The following LRRC7 variants were observed in gnomAD, a reference collection of about 807,000 sequenced individuals.
The protein encoded by LRRC7 is leucine rich repeat containing 7.
Under a neutral mutation model 175.7 loss-of-function variants are expected in LRRC7, and 23 were observed. That is an observed-to-expected ratio of 0.13 (90% confidence interval 0.09 to 0.19). The LOEUF (loss-of-function observed/expected upper bound fraction) is 0.19. LRRC7 is among the 10% of genes least tolerant of loss of function. The pLI is 1.00. For missense variants in LRRC7, 1,354 were observed against 1,904.7 expected (o/e 0.71, Z 5.38); for synonymous variants, 685 against 680.9 (o/e 1.01, Z -0.09).
intron 7 of LRRC7, among the ~76,000 whole-genome samples, chr1:69,906,884 A>G (rs1286430717): frequency 1.3e-5 from 2 of 152,060 alleles, no homozygotes; most frequent in African/African-American, 4.8e-5. Flanking sequence ...GATTCTTCCT[A>G]CCTATGAGCA....
At chr1:69,631,897 G>A (rs930467271) in intron 1 of LRRC7, among the ~76,000 whole-genome samples, 7 of 151,978 alleles carry the variant, frequency 4.6e-5, no homozygotes, top group African/African-American at 1.7e-4. Context: ...TCTTAAATCT[G>A]ATCATGTCTG....
intron 2 of LRRC7, among the ~76,000 whole-genome samples, chr1:69,747,373 G>C (rs750108361): frequency 6.6e-6 from 1 of 152,196 alleles, no homozygotes; most frequent in Non-Finnish European, 1.5e-5. Context: ...GCCTGTATGG[G>C]TGTGGTCCCA....
intron 23 of LRRC7, among the ~76,000 whole-genome samples, chr1:70,068,474 T>G (rs1363909732): frequency 1.3e-5 from 2 of 152,190 alleles, no homozygotes; most frequent in Non-Finnish European, 2.9e-5. Context: ...TATATCATTC[T>G]TTTTATATAT....
chr1:69,869,884 T>G (rs949925993), intron 7 of LRRC7, among the ~76,000 whole-genome samples: 5 of 152,164 alleles, frequency 3.3e-5, no homozygotes, highest in Non-Finnish European at 5.9e-5. Context: ...AGCCAATGGA[T>G]AAAGCATGGC....
intron 2 of LRRC7, among the ~76,000 whole-genome samples, chr1:69,694,107 C>T (rs1662250354): frequency 6.6e-6 from 1 of 152,108 alleles, no homozygotes; most frequent in Middle Eastern, 3.2e-3. Flanking sequence ...CAAGCCTGGA[C>T]TTGATCTCTT....
At chr1:69,926,429 T>A (rs1289943595) in intron 7 of LRRC7, among the ~76,000 whole-genome samples, 3 of 136,862 alleles carry the variant, frequency 2.2e-5, no homozygotes, top group Admixed American at 7.8e-5. Flanking sequence ...CCCATTATTA[T>A]TGTGTGGGAG....
intron 7 of LRRC7, among the ~76,000 whole-genome samples, chr1:69,924,742 C>T (rs1647006645): frequency 6.6e-6 from 1 of 152,202 alleles, no homozygotes; most frequent in Non-Finnish European, 1.5e-5. Context: ...ATGTCATCTG[C>T]AAACAGGGAC....
intron 1 of LRRC7, among the ~76,000 whole-genome samples, chr1:69,581,465 T>C (rs1646197902): frequency 6.6e-6 from 1 of 152,204 alleles, no homozygotes; most frequent in African/African-American, 2.4e-5. Context: ...TCAAAGATTA[T>C]TCCAAGATTT....
chr1:69,995,284 C>T (rs1168273599), intron 11 of LRRC7, among the ~76,000 whole-genome samples: 2 of 152,074 alleles, frequency 1.3e-5, no homozygotes, highest in African/African-American at 2.4e-5. Context: ...CTTTTGTTTA[C>T]AATCCGTGTA....
Position 69,803,649 on chromosome 1 carries a change from G to A in LRRC7, c.421+11489G>A, listed in dbSNP as rs367761125. Among the ~76,000 whole-genome samples, 20 of 151,396 alleles carry A rather than the reference G, an allele frequency of 1.3e-4. No homozygotes were observed. The East Asian group carries it at 1.5e-3, about 12-fold the overall frequency. On this transcript the variant is annotated intron_variant, in intron 4 of 26. Coordinates refer to ENST00000651989, the MANE Select transcript of LRRC7 (RefSeq NM_001370785.2). ...ATATGCAACCAGCAGATTCTTTTGC[G>A]TCTTTATTATAAAATCATTTTATCT...
chr1:69,630,730 G>A (rs1442670323), intron 1 of LRRC7, among the ~76,000 whole-genome samples: 1 of 151,086 alleles, frequency 6.6e-6, no homozygotes, highest in Admixed American at 6.6e-5. Context: ...TATATTTCTT[G>A]GAGCCATTTG....
chr1:69,759,315 A>G (rs1461030081), intron 2 of LRRC7, among the ~76,000 whole-genome samples: 1 of 152,048 alleles, frequency 6.6e-6, no homozygotes, highest in African/African-American at 2.4e-5. Context: ...TACAAGAATG[A>G]ACAAAATAAT....
intron 7 of LRRC7, among the ~76,000 whole-genome samples, chr1:69,889,300 G>C (rs1029993248): frequency 4.6e-5 from 7 of 152,080 alleles, no homozygotes; most frequent in Admixed American, 1.3e-4. Flanking sequence ...GATTTCTCTA[G>C]AACATCTTTC....
chr1:69,608,180 AT>A (rs1420164391), intron 1 of LRRC7: 1 of 152,340 alleles, frequency 6.6e-6, no homozygotes, highest in Non-Finnish European at 1.5e-5. Flanking sequence ...GTCGGTGATT[AT>A]TTAGCATAGC....
chr1:69,998,055 A>G lies in LRRC7; in HGVS notation c.1004+3422A>G, dbSNP rs986008763. Among the ~76,000 whole-genome samples the G allele has an allele frequency of 7.3e-4, 111 of 152,292 alleles. 1 individual carries two copies. The highest frequency in any genetic ancestry group is 1.0e-4 in the Non-Finnish European group (7 of 68,006). ...CTGGACTCTTTTTGGTTGATAAGCT[A>G]TTGATTATTGCCACCATATAAATTC... On this transcript the variant is annotated intron_variant, in intron 11 of 26. Coordinates refer to ENST00000651989, the MANE Select transcript of LRRC7 (RefSeq NM_001370785.2).
rs1170873267 is a variant in LRRC7 at position 70,072,613 on chromosome 1, TGCTGC to T, written c.4231-3463_4231-3459del. Among the ~76,000 whole-genome samples, 4 of 144,768 alleles carry T rather than the reference TGCTGC, an allele frequency of 2.8e-5. 1 individual carries two copies. Among genetic ancestry groups the T allele is most frequent in the Non-Finnish European group, 6.0e-5 (4 of 66,544 alleles). The allele number at this position is 144,768 out of a possible 152,430, so 95.0% of individuals were successfully genotyped here. A position where few individuals can be genotyped will look rare whatever the true frequency, so the allele number is the denominator to read the frequency against. On this transcript the variant is annotated intron_variant, in intron 23 of 26. Transcript: ENST00000651989. ...CTGCTGCTGCTGCTGCTGCTGCTGC[TGCTGC>T]TAACAGAATGACTTTACAGCATGTT...
intron 17 of LRRC7, 89 bp downstream of exon 17, chr1:70,023,463 G>T (rs1366397543): frequency 1.5e-6 from 2 of 1,296,360 alleles, no homozygotes; most frequent in Non-Finnish European, 2.0e-6. Flanking sequence ...CATGATTTGG[G>T]GTAAGAAATG....
rs1386939720 is a variant in LRRC7 at position 69,939,005 on chromosome 1, A to ATATATATATCTATATATATATATATC, written c.711+7451_711+7476dup. Among the ~76,000 whole-genome samples, 98 of 97,872 alleles carry ATATATATATCTATATATATATATATC rather than the reference A, an allele frequency of 1.0e-3. 3 individuals carry two copies. In the South Asian group the frequency reaches 0.021, roughly 21 times the overall value. 64.2% of individuals were successfully genotyped at this position (97,872 alleles called of 152,430 possible). A position where few individuals can be genotyped will look rare whatever the true frequency, so the allele number is the denominator to read the frequency against. The stretch of plus-strand genomic sequence containing the variant: ...CACTAAGGCTGTAGATTATATATAT[A>ATATATATATCTATATATATATATATC]TATATATATCTATATATATATATAT... On this transcript the variant is annotated intron_variant, in intron 8 of 26. Transcript: ENST00000651989.
rs1034569793 is a variant in LRRC7, at chr1:69,632,821, C to T, written c.3-45560C>T. On this transcript the variant is annotated intron_variant, in intron 1 of 26. Transcript: ENST00000651989. ...AATAAATATGTAATTTTATGACTAC[C>T]ATTTTGCTAAGTAGTTTCTAATTTT... Among the ~76,000 whole-genome samples the T allele has an allele frequency of 2.0e-5, 3 of 152,052 alleles. No individual in the cohort carries two copies. The East Asian group carries it at 5.8e-4, about 29-fold the overall frequency.
Sources: allele counts gnomAD v4.1 joint callset (sites outside exome capture counted in the v4.1 genomes callset), GRCh38; gene constraint gnomAD v4.1.1; transcripts MANE v1.5; gene names NCBI Gene and HGNC (gene_info 2026-07-23, HGNC 2026-07-21).